The following TYR variants were observed in gnomAD, a reference collection of about 807,000 sequenced individuals.
TYR encodes the protein LB24-AB.
Under a neutral mutation model 51.5 loss-of-function variants are expected in TYR, and 58 were observed. That is an observed-to-expected ratio of 1.13 (90% CI 0.91 to 1.40). TYR has a LOEUF of 1.40. Among genes scored for constraint, TYR ranks in the 40% most tolerant of loss-of-function variants. TYR has a pLI of 0.00. For synonymous variants in TYR, 263 were observed against 235.2 expected, an observed-to-expected ratio of 1.12 and a Z score of -1.08; for missense variants, 732 against 647.4, an observed-to-expected ratio of 1.13 and a Z score of -1.42.
At chr11:89,218,550 G>C (rs1276538932) in intron 2 of TYR, among the ~76,000 whole-genome samples, 1 of 152,036 alleles carries the variant, frequency 6.6e-6, no homozygotes. Context: ...TTTCAGTAAA[G>C]TACAAAGAAG....
intron 4 of TYR, among the ~76,000 whole-genome samples, chr11:89,286,582 A>G (rs1944789914): frequency 6.6e-6 from 1 of 151,788 alleles, no homozygotes; most frequent in South Asian, 2.1e-4. Flanking sequence ...TATATACACA[A>G]TTTGGGGCTA....
intron 2 of TYR, among the ~76,000 whole-genome samples, chr11:89,210,171 C>A (rs772726963): frequency 6.6e-6 from 1 of 152,024 alleles, no homozygotes; most frequent in East Asian, 1.9e-4. Flanking sequence ...CAAACATCTC[C>A]GAGCTAAAAG....
Position 89,178,349 on chromosome 11 carries a change from C to G in TYR, c.396C>G (p.Asp132Glu). 6.2e-7 allele frequency: 1 copy of G among 1,614,154 alleles called. No individual in the cohort carries two copies. ...NIFDLSAPEKDKFFAYLTLAK... is the reference protein window; with the variant it reads ...NIFDLSAPEKEKFFAYLTLAK... ...TCGATTTGAGTGCCCCAGAGAAGGA[C>G]AAATTTTTTGCCTACCTCACTTTAG... Residue 132 changes from aspartate (D) to glutamate (E), a missense_variant, in exon 1 of 5, where the codon GAC becomes GAG. Transcript: ENST00000263321.
At chr11:89,279,515 A>C (rs1486307535) in intron 3 of TYR, among the ~76,000 whole-genome samples, 1 of 151,736 alleles carries the variant, frequency 6.6e-6, no homozygotes, top group African/African-American at 2.4e-5. Flanking sequence ...GGCCATAAGC[A>C]TAAAATCTAA....
chr11:89,205,193 A>G lies in TYR; in HGVS notation c.1036+13775A>G, dbSNP rs114305433. On this transcript the variant is annotated intron_variant, in intron 2 of 4. Coordinates refer to ENST00000263321, the MANE Select transcript of TYR (RefSeq NM_000372.5). Reference sequence around the variant, plus strand: ...AAGAATAAGTGAACTGGAAGATAGAAAAATAGAAATTACCAAATCTGAAAA... The same window carrying G: ...AAGAATAAGTGAACTGGAAGATAGAGAAATAGAAATTACCAAATCTGAAAA... Among the ~76,000 whole-genome samples, 971 of 152,246 alleles carry G rather than the reference A, an allele frequency of 6.4e-3. 7 individuals are homozygous for G. Among genetic ancestry groups the G allele is most frequent in the African/African-American group, 0.022 (921 of 41,564 alleles).
chr11:89,271,709 T>A (rs1349620312), intron 3 of TYR, among the ~76,000 whole-genome samples: 1 of 152,068 alleles, frequency 6.6e-6, no homozygotes, highest in South Asian at 2.1e-4. Context: ...TGTGATGCTG[T>A]TTGATAGCAT....
At chr11:89,245,690 A>G (rs1944256597) in intron 3 of TYR, among the ~76,000 whole-genome samples, 1 of 152,182 alleles carries the variant, frequency 6.6e-6, no homozygotes, top group Non-Finnish European at 1.5e-5. Context: ...TGGGAGGCCA[A>G]GGCGGGCGGA....
intron 1 of TYR, among the ~76,000 whole-genome samples, chr11:89,180,914 C>T (rs969189336): frequency 6.6e-6 from 1 of 152,046 alleles, no homozygotes; most frequent in Non-Finnish European, 1.5e-5. Context: ...TCAGAGTTCT[C>T]AATGTCAAAA....
intron 3 of TYR, among the ~76,000 whole-genome samples, chr11:89,264,666 T>G (rs1192739909): frequency 6.7e-6 from 1 of 150,256 alleles, no homozygotes; most frequent in Non-Finnish European, 1.5e-5. Flanking sequence ...GGAATCAACC[T>G]AAATGTTCAT....
intron 3 of TYR, among the ~76,000 whole-genome samples, chr11:89,231,572 T>C (rs1441601448): frequency 7.0e-6 from 1 of 143,188 alleles, no homozygotes; most frequent in East Asian, 2.0e-4. Flanking sequence ...TCTCACTTAT[T>C]TGTGGAGTCA....
intron 3 of TYR, among the ~76,000 whole-genome samples, chr11:89,254,775 C>A (rs1292941140): frequency 6.6e-6 from 1 of 151,814 alleles, no homozygotes; most frequent in African/African-American, 2.4e-5. Context: ...AAAGAACAAG[C>A]TTTTTGTTTC....
chr11:89,178,141 C>G lies in TYR; in HGVS notation c.188C>G (p.Ala63Gly). Residue 63 changes from alanine to glycine, a missense_variant, in exon 1 of 5, where the codon GCA becomes GGA. Physicochemically the swap from Ala to Gly is moderately conservative, Grantham distance 60. Transcript: ENST00000263321. ...GSCQNILLSNAPLGPQFPFTG... is the reference protein window; with the variant it reads ...GSCQNILLSNGPLGPQFPFTG... ...TGTCAGAATATCCTTCTGTCCAATGCACCACTTGGGCCTCAATTTCCCTTC... is the reference window on the plus strand; with the variant it reads ...TGTCAGAATATCCTTCTGTCCAATGGACCACTTGGGCCTCAATTTCCCTTC... The G allele has an allele frequency of 6.2e-7, 1 of 1,614,174 alleles. No homozygotes were observed. The highest frequency in any genetic ancestry group is 1.3e-5 in the African/African-American group (1 of 75,048).
At chr11:89,258,118 T>A (rs1944416216) in intron 3 of TYR, among the ~76,000 whole-genome samples, 1 of 152,060 alleles carries the variant, frequency 6.6e-6, no homozygotes, top group South Asian at 2.1e-4. Flanking sequence ...GGTGTGGCAT[T>A]ATGACAATGG....
In TYR at chr11:89,295,136, A is replaced by G; in HGVS notation, c.1367-7A>G. 2 of 1,613,818 alleles carry G rather than the reference A, an allele frequency of 1.2e-6. No individual in the cohort carries two copies. The highest frequency in any genetic ancestry group is 2.2e-5 in the South Asian group (2 of 90,994). On this transcript the variant is annotated splice_polypyrimidine_tract_variant and splice_region_variant and intron_variant, in intron 4 of 4. Transcript: ENST00000263321. ...AATAAAAACAATGGGATGTCTTTTT[A>G]TTTCAGACCCAGACTCTTTTCAAGA...
At chr11:89,273,207 T>C (rs1413849918) in intron 3 of TYR, among the ~76,000 whole-genome samples, 6 of 151,960 alleles carry the variant, frequency 3.9e-5, no homozygotes, top group Admixed American at 3.3e-4. Flanking sequence ...TTATCTAATA[T>C]TATTCCTACC....
At chr11:89,225,630 T>C (rs1263724364) in intron 2 of TYR, among the ~76,000 whole-genome samples, 1 of 151,892 alleles carries the variant, frequency 6.6e-6, no homozygotes, top group Non-Finnish European at 1.5e-5. Context: ...TAAGTTGTTT[T>C]TGATATGGAT....
At chr11:89,229,637 A>T (rs1374803233) in intron 3 of TYR, among the ~76,000 whole-genome samples, 2 of 152,192 alleles carry the variant, frequency 1.3e-5, no homozygotes, top group African/African-American at 4.8e-5. Context: ...ATCTGCCCTT[A>T]TACACAGAAA....
At chr11:89,284,050 G>T (rs1429462057) in intron 3 of TYR, 3 of 151,824 alleles carry the variant, frequency 2.0e-5, no homozygotes, top group African/African-American at 7.3e-5. Context: ...TGGTACATCT[G>T]GCTTTGCTGC....
chr11:89,234,870 T>C (rs570850011), intron 3 of TYR, among the ~76,000 whole-genome samples: 4 of 151,714 alleles, frequency 2.6e-5, no homozygotes, highest in Non-Finnish European at 4.4e-5. Context: ...ATTACCAAAA[T>C]GTGACAGACA....
Sources: allele counts gnomAD v4.1 joint callset (sites outside exome capture counted in the v4.1 genomes callset), GRCh38; gene constraint gnomAD v4.1.1; transcripts MANE v1.5; gene names NCBI Gene and HGNC (gene_info 2026-07-23, HGNC 2026-07-21).